PGBD5: variants seen among roughly 807,000 people sequenced by gnomAD.
PGBD5 encodes the protein piggyBac transposable element derived 5.
A neutral mutation model predicts 47.9 loss-of-function variants in PGBD5; 14 were observed. The observed-to-expected ratio is 0.29, with a 90% CI of 0.19 to 0.46. PGBD5 has a LOEUF of 0.46. PGBD5 is among the 20% of genes least tolerant of loss of function. The pLI is 1.00. For missense variants in PGBD5, 635 were observed against 716.0 expected, an observed-to-expected ratio of 0.89 and a Z score of 1.29; for synonymous variants, 316 against 306.3, an observed-to-expected ratio of 1.03 and a Z score of -0.33.
chr1:230,332,213 C>T (rs973468097), intron 5 of PGBD5, among the ~76,000 whole-genome samples: 5 of 152,214 alleles, frequency 3.3e-5, no homozygotes, highest in African/African-American at 1.2e-4. Flanking sequence ...GGAAAGCCTC[C>T]GTGTGAAGGC....
intron 1 of PGBD5, among the ~76,000 whole-genome samples, chr1:230,422,495 C>T (rs967091283): frequency 4.6e-5 from 7 of 152,134 alleles, no homozygotes; most frequent in African/African-American, 1.7e-4. Context: ...GCTCTGCACT[C>T]CCAGTAGGCA....
At chr1:230,330,704 G>A (rs1473866140) in intron 5 of PGBD5, among the ~76,000 whole-genome samples, 1 of 152,192 alleles carries the variant, frequency 6.6e-6, no homozygotes, top group Admixed American at 6.5e-5. Flanking sequence ...ACTTCCCTGG[G>A]AGTGCTTTCT....
intron 1 of PGBD5, among the ~76,000 whole-genome samples, chr1:230,378,291 A>G (rs925512287): frequency 3.3e-5 from 5 of 152,210 alleles, no homozygotes; most frequent in African/African-American, 1.2e-4. Flanking sequence ...TTATAATGAA[A>G]TGGTCATCAG....
intron 1 of PGBD5, among the ~76,000 whole-genome samples, chr1:230,414,491 T>G (rs927571307): frequency 6.6e-6 from 1 of 152,218 alleles, no homozygotes; most frequent in African/African-American, 2.4e-5. Flanking sequence ...TCTATACATT[T>G]ATAATACAAG....
chr1:230,348,133 T>C (rs1395360713), intron 3 of PGBD5, among the ~76,000 whole-genome samples: 3 of 152,190 alleles, frequency 2.0e-5, no homozygotes, highest in Non-Finnish European at 1.5e-5. Flanking sequence ...CGCTAAGTCA[T>C]TCAGGAGAGC....
At chr1:230,379,767 T>C (rs532236162) in intron 1 of PGBD5, among the ~76,000 whole-genome samples, 1 of 152,352 alleles carries the variant, frequency 6.6e-6, no homozygotes, top group African/African-American at 2.4e-5. Flanking sequence ...GAGCCAACAG[T>C]TACCAACCAT....
Position 230,317,168 on chromosome 1 carries a change from C to T in PGBD5, c.*6257G>A, listed in dbSNP as rs776146286. 41 of 152,244 alleles carry T rather than the reference C, an allele frequency of 2.7e-4. No individual in the cohort carries two copies. Among genetic ancestry groups the T allele is most frequent in the Admixed American group, 7.2e-4 (11 of 15,290 alleles). 9.4% of individuals were successfully genotyped at this position (152,244 alleles called of 1,614,324 possible). On this transcript the variant is annotated 3_prime_UTR_variant, in exon 7 of 7. Coordinates refer to ENST00000391860, the MANE Select transcript of PGBD5 (RefSeq NM_001258311.2). The stretch of plus-strand genomic sequence containing the variant: ...GAATCAGCCTGCTCTGTGCCCCCAA[C>T]GTGTTTCAGTCATGGCACCCTCAAG...
chr1:230,421,345 TA>T (rs1657644039), intron 1 of PGBD5, among the ~76,000 whole-genome samples: 1 of 152,030 alleles, frequency 6.6e-6, no homozygotes, highest in Admixed American at 6.5e-5. Context: ...TGTATAACCA[TA>T]AAAATAAATA....
Position 230,314,639 on chromosome 1 carries a change from C to T in PGBD5, c.*8786G>A, listed in dbSNP as rs1046058156. On this transcript the variant is annotated 3_prime_UTR_variant, in exon 7 of 7. Coordinates refer to ENST00000391860, the MANE Select transcript of PGBD5 (RefSeq NM_001258311.2). ...TCACATTTGAGAACCCAGAATTCAG[C>T]TCCTGTTATACAAAATTTGTAAAAA... 1 of 139,922 alleles carries T rather than the reference C, an allele frequency of 7.1e-6. No homozygotes were observed. Among genetic ancestry groups the T allele is most frequent in the Admixed American group, 7.6e-5 (1 of 13,180 alleles). 8.7% of individuals were successfully genotyped at this position (139,922 alleles called of 1,614,324 possible).
rs1667064375 is a variant in PGBD5, at chr1:230,323,239, G to C, written c.*186C>G. On this transcript the variant is annotated 3_prime_UTR_variant, in exon 7 of 7. Coordinates refer to ENST00000391860, the MANE Select transcript of PGBD5 (RefSeq NM_001258311.2). This position sits in a 1 kb window ranked among gnomAD's most constrained non-coding sequence, Gnocchi z 4.1. ...CTCGAGGGAGGACATGCTCTTCTTGGAATGCAAATGAGGACAGCAACCGTC... is the reference window on the plus strand; with the variant it reads ...CTCGAGGGAGGACATGCTCTTCTTGCAATGCAAATGAGGACAGCAACCGTC... 1.6e-6 allele frequency: 1 copy of C among 620,448 alleles called. No homozygotes were observed. Among genetic ancestry groups the C allele is most frequent in the Non-Finnish European group, 2.7e-6 (1 of 366,718 alleles). 38.4% of individuals were successfully genotyped at this position (620,448 alleles called of 1,614,324 possible). A position where few individuals can be genotyped will look rare whatever the true frequency, so the allele number is the denominator to read the frequency against.
chr1:230,361,643 G>A (rs985760207), intron 1 of PGBD5, among the ~76,000 whole-genome samples: 2 of 152,200 alleles, frequency 1.3e-5, no homozygotes, highest in African/African-American at 4.8e-5. Flanking sequence ...TAGAAAAGGA[G>A]ATGTTCCATT....
intron 5 of PGBD5, among the ~76,000 whole-genome samples, chr1:230,329,121 T>TGGGGG (rs113648366): frequency 2.9e-5 from 4 of 139,614 alleles, no homozygotes; most frequent in African/African-American, 1.1e-4. Flanking sequence ...TAATTTTTTT[T>TGGGGG]TGGGGGGGGA....
At chr1:230,373,449 C>T (rs576803733) in intron 1 of PGBD5, among the ~76,000 whole-genome samples, 6 of 152,142 alleles carry the variant, frequency 3.9e-5, no homozygotes, top group East Asian at 1.9e-4. Flanking sequence ...GTGAGGGGGA[C>T]GAGGGTGCCA....
At position 230,360,398 on chromosome 1, in the gene PGBD5, G is replaced by T. The variant is rs573490962; in HGVS notation, c.332-3077C>A. Among the ~76,000 whole-genome samples, 13 of 152,278 alleles carry T rather than the reference G, an allele frequency of 8.5e-5. No individual in the cohort carries two copies. The East Asian group carries it at 2.1e-3, about 25-fold the overall frequency. On this transcript the variant is annotated intron_variant, in intron 1 of 6. Coordinates refer to ENST00000391860, the MANE Select transcript of PGBD5 (RefSeq NM_001258311.2). Reference sequence around the variant, plus strand: ...GGAGGGAGGGAGGGAAGGAAGGAAAGAAATGCTATTCAGGAGTCAGTGATA... The same window carrying T: ...GGAGGGAGGGAGGGAAGGAAGGAAATAAATGCTATTCAGGAGTCAGTGATA...
At chr1:230,377,773 A>T (rs1258584913) in intron 1 of PGBD5, 3 of 1,256,070 alleles carry the variant, frequency 2.4e-6, no homozygotes, top group Admixed American at 7.1e-5. Flanking sequence ...ACAGTGCAGC[A>T]TCCGGCTCAT....
At chr1:230,345,080 T>C (rs140641421) in intron 3 of PGBD5, among the ~76,000 whole-genome samples, 30 of 152,344 alleles carry the variant, frequency 2.0e-4, no homozygotes, top group African/African-American at 6.7e-4. Context: ...AGGAGAAATC[T>C]GCTCTTTTAG....
At chr1:230,343,810 T>C (rs936590891) in intron 3 of PGBD5, among the ~76,000 whole-genome samples, 4 of 152,250 alleles carry the variant, frequency 2.6e-5, no homozygotes, top group Non-Finnish European at 5.9e-5. Flanking sequence ...AAAAACACTT[T>C]AGTGCACCTT....
intron 5 of PGBD5, among the ~76,000 whole-genome samples, chr1:230,325,780 C>T (rs1399468714): frequency 6.6e-6 from 1 of 152,096 alleles, no homozygotes; most frequent in African/African-American, 2.4e-5. Flanking sequence ...CTCACTCCTC[C>T]CTCCCTCCCC....
At chr1:230,402,256 G>C (rs11588569) in intron 1 of PGBD5, among the ~76,000 whole-genome samples, 35,602 of 152,190 alleles carry the variant, frequency 0.23, 4,768 homozygotes, top group Admixed American at 0.38. Context: ...TCACCCTAGA[G>C]GGAGTGGGCC....
Sources: allele counts gnomAD v4.1 joint callset (sites outside exome capture counted in the v4.1 genomes callset), GRCh38; gene constraint gnomAD v4.1.1; non-coding constraint Gnocchi (gnomAD v3.1); transcripts MANE v1.5; gene names NCBI Gene and HGNC (gene_info 2026-07-23, HGNC 2026-07-21).